The following COL21A1 variants were observed in gnomAD, a reference collection of about 807,000 sequenced individuals.
COL21A1 encodes the protein collagen type XXI alpha 1 chain.
Under a neutral mutation model 137.9 loss-of-function variants are expected in COL21A1, and 149 were observed. The ratio of observed to expected loss-of-function variants is 1.08; its 90% confidence interval spans 0.95 to 1.24. The LOEUF is 1.24. Ranked by LOEUF, COL21A1 falls within the 50% of genes most tolerant of loss-of-function variation. The pLI, the probability that COL21A1 is intolerant of heterozygous loss-of-function variation, is 0.00. For missense variants in COL21A1, 1,167 were observed against 1,158.4 expected (o/e 1.01, Z -0.11); for synonymous variants, 456 against 391.5 (o/e 1.16, Z -1.95).
chr6:56,060,543 G>C, intron 27 of COL21A1, 198 bp downstream of exon 27: 1 of 489,520 alleles, frequency 2.0e-6, no homozygotes, highest in East Asian at 3.5e-5. Flanking sequence ...AATAATAAAT[G>C]TCTTTATTAA....
intron 1 of COL21A1, among the ~76,000 whole-genome samples, chr6:56,391,859 G>A (rs937646255): frequency 1.3e-5 from 2 of 152,058 alleles, no homozygotes; most frequent in Non-Finnish European, 2.9e-5. Flanking sequence ...GACAGAAACT[G>A]TAATTAAAAA....
intron 1 of COL21A1, among the ~76,000 whole-genome samples, chr6:56,218,511 TTTTGC>T (rs1180657070): frequency 2.0e-5 from 3 of 152,158 alleles, no homozygotes; most frequent in African/African-American, 7.2e-5. Context: ...TATTGTGTTT[TTTTGC>T]CTTGTTGAAA....
chr6:56,388,368 T>A (rs934356406), intron 1 of COL21A1, among the ~76,000 whole-genome samples: 2 of 152,056 alleles, frequency 1.3e-5, no homozygotes, highest in Non-Finnish European at 2.9e-5. Flanking sequence ...AGTGCTTACA[T>A]CCCCTCTGCC....
intron 10 of COL21A1, among the ~76,000 whole-genome samples, chr6:56,155,358 TTC>T (rs778398344): frequency 1.3e-5 from 2 of 152,160 alleles, no homozygotes; most frequent in Non-Finnish European, 2.9e-5. Context: ...TTTGTTTTAT[TTC>T]TTGTTTTTTA....
intron 1 of COL21A1, among the ~76,000 whole-genome samples, chr6:56,267,805 T>A (rs564356315): frequency 1.7e-4 from 26 of 149,482 alleles, no homozygotes; most frequent in African/African-American, 5.9e-4. Context: ...GCCTCCTATC[T>A]AAGAAGATTT....
At chr6:56,328,823 T>C (rs1765158719) in intron 1 of COL21A1, among the ~76,000 whole-genome samples, 1 of 151,908 alleles carries the variant, frequency 6.6e-6, no homozygotes, top group Admixed American at 6.6e-5. Flanking sequence ...ACTGGCAAAC[T>C]CTGCTAATCA....
At chr6:56,096,809 T>G (rs1337729456) in intron 17 of COL21A1, among the ~76,000 whole-genome samples, 2 of 152,298 alleles carry the variant, frequency 1.3e-5, no homozygotes, top group African/African-American at 4.8e-5. Context: ...CATTATAGAA[T>G]AAAGTGAATA....
At chr6:56,100,638 A>G (rs995804973) in intron 17 of COL21A1, among the ~76,000 whole-genome samples, 3 of 152,144 alleles carry the variant, frequency 2.0e-5, no homozygotes, top group African/African-American at 7.2e-5. Context: ...ATTAAATTAT[A>G]AGCTTCTGGA....
intron 1 of COL21A1, among the ~76,000 whole-genome samples, chr6:56,303,786 G>C (rs534329725): frequency 1.3e-5 from 2 of 152,176 alleles, no homozygotes; most frequent in African/African-American, 4.8e-5. Flanking sequence ...GGAGTGGTGA[G>C]AGAGGGCATC....
At chr6:56,380,545 G>A (rs1188806946) in intron 1 of COL21A1, among the ~76,000 whole-genome samples, 2 of 152,054 alleles carry the variant, frequency 1.3e-5, no homozygotes, top group African/African-American at 4.8e-5. Flanking sequence ...TACTCACAGG[G>A]CCTTCGTGGT....
At position 56,057,564 on chromosome 6, in the gene COL21A1, TC is replaced by T. The variant is rs1026846220; in HGVS notation, c.*92del. The T allele has an allele frequency of 1.4e-4, 172 of 1,215,256 alleles. No homozygotes were observed. Among genetic ancestry groups the T allele is most frequent in the Non-Finnish European group, 1.9e-4 (166 of 854,266 alleles). 75.3% of individuals were successfully genotyped at this position (1,215,256 alleles called of 1,614,324 possible). ...ATAAAAACACCGAGGTACTTAAGTT[TC>T]TTTTCAAGGGATTACTGTTGGTTAT... On this transcript the variant is annotated 3_prime_UTR_variant, in exon 30 of 30. Transcript: ENST00000244728.
Position 56,074,287 on chromosome 6 carries a change from T to A in COL21A1, c.1912-2A>T. ...TGAGCCATTGCTTCCCATTAAACCC[T>A]ACAATTTTAAAAAGGAATTTCAAGA... On this transcript the variant is annotated splice_acceptor_variant, in intron 19 of 29. Transcript: ENST00000244728. LOFTEE classifies it high-confidence loss of function. 1 of 1,573,328 alleles carries A rather than the reference T, an allele frequency of 6.4e-7. No homozygotes were observed. Among genetic ancestry groups the A allele is most frequent in the Non-Finnish European group, 8.6e-7 (1 of 1,160,166 alleles).
At chr6:56,060,240 C>T (rs943632998) in intron 27 of COL21A1, 22 bp from the exon 28 acceptor site, 4 of 1,553,634 alleles carry the variant, frequency 2.6e-6, no homozygotes, top group Non-Finnish European at 2.6e-6. Flanking sequence ...AAAGAAACCC[C>T]ATCCCTTATG....
chr6:56,276,137 A>G (rs1282496965), intron 1 of COL21A1, among the ~76,000 whole-genome samples: 1 of 152,192 alleles, frequency 6.6e-6, no homozygotes, highest in Non-Finnish European at 1.5e-5. Context: ...TAAATACCAC[A>G]TGTTCTCACG....
intron 29 of COL21A1, among the ~76,000 whole-genome samples, chr6:56,058,283 T>G (rs1294168544): frequency 6.6e-6 from 1 of 152,164 alleles, no homozygotes; most frequent in African/African-American, 2.4e-5. Context: ...TATTTTTAGT[T>G]TCCATATCTA....
rs192563914 is a variant in COL21A1 at position 56,298,873 on chromosome 6, A to G, written c.-39+95098T>C. ...TGCAAGTTACTACCTGCTATTACAA[A>G]TACATCATCATCCTCTTAGAGCTTA... On this transcript the variant is annotated intron_variant, in intron 1 of 28. Transcript: ENST00000370819. Among the ~76,000 whole-genome samples the G allele has an allele frequency of 1.6e-3, 238 of 152,280 alleles. 1 individual carries two copies. The highest frequency in any genetic ancestry group is 1.6e-3 in the Non-Finnish European group (111 of 68,002).
chr6:56,095,842 G>T (rs80309605), intron 17 of COL21A1, among the ~76,000 whole-genome samples: 4 of 151,976 alleles, frequency 2.6e-5, no homozygotes, highest in Middle Eastern at 3.4e-3. Flanking sequence ...CATAATATTG[G>T]TTTTTTTGTT....
chr6:56,140,714 C>T (rs969534879), intron 12 of COL21A1, among the ~76,000 whole-genome samples: 7 of 152,094 alleles, frequency 4.6e-5, no homozygotes, highest in African/African-American at 1.2e-4. Context: ...GAATGTGAAG[C>T]GGAAACTTGG....
chr6:56,293,498 A>T lies in COL21A1; in HGVS notation c.-39+100473T>A, dbSNP rs1274142628. Among the ~76,000 whole-genome samples the T allele has an allele frequency of 1.3e-5, 2 of 152,170 alleles. 1 individual carries two copies. Among genetic ancestry groups the T allele is most frequent in the South Asian group, 4.1e-4 (2 of 4,834 alleles). ...AAAAAAGGTGTAACTCACTATAATC[A>T]TATTTACTATGTAGAAACTAGAAGA... On this transcript the variant is annotated intron_variant, in intron 1 of 28. Transcript: ENST00000370819.
Sources: gnomAD v4.1 joint callset for allele counts (sites outside exome capture counted in the v4.1 genomes callset) on GRCh38, gnomAD v4.1.1 for gene constraint, MANE v1.5 for transcripts, NCBI Gene and HGNC (gene_info 2026-07-23, HGNC 2026-07-21) for gene names.